Variants in TMEM108 observed in about 807,000 individuals in gnomAD.
The protein encoded by TMEM108 is cancer/testis antigen 124.
A neutral mutation model predicts 35.1 loss-of-function variants in TMEM108; 12 were observed. That is an observed-to-expected ratio of 0.34 (90% confidence interval 0.22 to 0.55). The LOEUF (loss-of-function observed/expected upper bound fraction) is 0.55, where lower values mean the gene tolerates loss of function less well. Ranked by LOEUF, TMEM108 falls within the 20% of genes least tolerant of loss-of-function variation. The probability of loss-of-function intolerance (pLI) is 0.89; values close to 1 mark genes in which losing one functional copy is unlikely to be tolerated. For missense variants in TMEM108, 680 were observed against 753.3 expected, an observed-to-expected ratio of 0.90 and a Z score of 1.14; for synonymous variants, 287 against 308.6, an observed-to-expected ratio of 0.93 and a Z score of 0.73.
At chr3:133,200,154 G>A (rs944176836) in intron 2 of TMEM108, among the ~76,000 whole-genome samples, 2 of 152,116 alleles carry the variant, frequency 1.3e-5, no homozygotes, top group African/African-American at 4.8e-5. Context: ...GATTTTCCAG[G>A]TGCCGTCTGT....
At chr3:133,316,312 A>G (rs901288804) in intron 3 of TMEM108, among the ~76,000 whole-genome samples, 4 of 152,208 alleles carry the variant, frequency 2.6e-5, no homozygotes, top group African/African-American at 9.6e-5. Context: ...GATATCCTCC[A>G]TATTATATGA....
At chr3:133,309,857 C>A (rs1239539053) in intron 3 of TMEM108, among the ~76,000 whole-genome samples, 2 of 151,918 alleles carry the variant, frequency 1.3e-5, no homozygotes, top group South Asian at 2.1e-4. Context: ...CCAGCCGCTA[C>A]GCCCGGCTAA....
At chr3:133,329,091 T>C (rs901328604) in intron 3 of TMEM108, among the ~76,000 whole-genome samples, 8 of 151,640 alleles carry the variant, frequency 5.3e-5, no homozygotes, top group African/African-American at 1.9e-4. Context: ...ATGTCTGGAA[T>C]ATAGTAAATA....
chr3:133,064,721 T>A (rs2107684603), intron 2 of TMEM108, among the ~76,000 whole-genome samples: 2 of 152,202 alleles, frequency 1.3e-5, no homozygotes, highest in Non-Finnish European at 2.9e-5. Context: ...TTTTTTTTTT[T>A]TTAATGGACA....
intron 2 of TMEM108, among the ~76,000 whole-genome samples, chr3:133,144,452 T>G (rs552484991): frequency 3.3e-5 from 5 of 152,326 alleles, no homozygotes; most frequent in Middle Eastern, 3.4e-3. Context: ...TGTGTCTTTA[T>G]AGTAGAATGA....
chr3:133,332,019 AGTTACAT>A (rs2071399663), intron 3 of TMEM108, among the ~76,000 whole-genome samples: 1 of 151,932 alleles, frequency 6.6e-6, no homozygotes, highest in Non-Finnish European at 1.5e-5. Flanking sequence ...CTTTTTATGG[AGTTACAT>A]GTTGGTTGGA....
intron 3 of TMEM108, chr3:133,246,908 AG>A (rs1244721857): frequency 6.6e-6 from 1 of 152,232 alleles, no homozygotes; most frequent in Admixed American, 6.5e-5. Flanking sequence ...GAGAAGAACA[AG>A]GGTTGTTATA....
chr3:133,276,084 G>A (rs1946834852), intron 3 of TMEM108, among the ~76,000 whole-genome samples: 2 of 152,224 alleles, frequency 1.3e-5, no homozygotes, highest in Non-Finnish European at 2.9e-5. Context: ...GAGCCATGGA[G>A]ACTTAGGATT....
At chr3:133,095,144 G>A (rs1002067631) in intron 2 of TMEM108, among the ~76,000 whole-genome samples, 5 of 152,104 alleles carry the variant, frequency 3.3e-5, no homozygotes, top group African/African-American at 1.2e-4. Flanking sequence ...ATACTGATAC[G>A]TTGCTGCTTA....
rs138728798 is a variant in TMEM108 at position 133,205,993 on chromosome 3, T to C, written c.-46-23273T>C. On this transcript the variant is annotated intron_variant, in intron 2 of 5. Transcript: ENST00000321871. The stretch of plus-strand genomic sequence containing the variant: ...CCATATTTGTTGGAGGCTTTGTTCA[T>C]TCCTTTTCATTCTTTTTTCTTTAAT... Among the ~76,000 whole-genome samples, 1,434 of 152,356 alleles carry C rather than the reference T, an allele frequency of 9.4e-3. 23 individuals carry two copies. Among genetic ancestry groups the C allele is most frequent in the African/African-American group, 0.033 (1,356 of 41,572 alleles).
intron 3 of TMEM108, among the ~76,000 whole-genome samples, chr3:133,332,466 A>T (rs896688228): frequency 6.6e-6 from 1 of 152,186 alleles, no homozygotes; most frequent in African/African-American, 2.4e-5. Flanking sequence ...AAGCTGGGAG[A>T]GTTGTAATAT....
At chr3:133,229,087 T>C (rs953078926) in intron 2 of TMEM108, among the ~76,000 whole-genome samples, 179 bp from the exon 3 acceptor site, 1 of 152,218 alleles carries the variant, frequency 6.6e-6, no homozygotes, top group African/African-American at 2.4e-5. Context: ...AGTTGATTAG[T>C]TGGTAATTTT....
intron 4 of TMEM108, among the ~76,000 whole-genome samples, chr3:133,384,998 G>C (rs2073111030): frequency 6.6e-6 from 1 of 152,142 alleles, no homozygotes; most frequent in South Asian, 2.1e-4. Context: ...CCCCAGAGCA[G>C]TCTGGCCTCC....
At chr3:133,183,102 T>C (rs1945370623) in intron 2 of TMEM108, among the ~76,000 whole-genome samples, 1 of 152,176 alleles carries the variant, frequency 6.6e-6, no homozygotes, top group African/African-American at 2.4e-5. Flanking sequence ...GCATTTCCTT[T>C]GAGCATGATC....
intron 2 of TMEM108, among the ~76,000 whole-genome samples, chr3:133,176,798 C>G (rs1247852679): frequency 6.6e-6 from 1 of 151,786 alleles, no homozygotes; most frequent in African/African-American, 2.4e-5. Context: ...TAGCAGAAGG[C>G]AAGAAATAAC....
At chr3:133,355,201 T>C (rs551218048) in intron 3 of TMEM108, among the ~76,000 whole-genome samples, 8 of 152,354 alleles carry the variant, frequency 5.3e-5, no homozygotes, top group African/African-American at 1.2e-4. Flanking sequence ...TTTGAGGCCA[T>C]TGGTTTTTTC....
intron 2 of TMEM108, among the ~76,000 whole-genome samples, chr3:133,081,625 ACTTGTAACT>A (rs1005586724): frequency 6.6e-6 from 1 of 152,174 alleles, no homozygotes; most frequent in Non-Finnish European, 1.5e-5. Context: ...TTTGCATAAC[ACTTGTAACT>A]CTGACTCTTA....
intron 2 of TMEM108, among the ~76,000 whole-genome samples, chr3:133,065,678 T>G (rs867848884): frequency 6.6e-6 from 1 of 152,174 alleles, no homozygotes; most frequent in Non-Finnish European, 1.5e-5. Context: ...TTAAAAAAAA[T>G]TTATGTCCAT....
At chr3:133,358,230 G>A (rs2072235467) in intron 3 of TMEM108, among the ~76,000 whole-genome samples, 1 of 151,592 alleles carries the variant, frequency 6.6e-6, no homozygotes, top group Non-Finnish European at 1.5e-5. Context: ...GGAGTGCAGT[G>A]GTACAGTCTC....
Sources: allele counts gnomAD v4.1 joint callset (sites outside exome capture counted in the v4.1 genomes callset), GRCh38; gene constraint gnomAD v4.1.1; transcripts MANE v1.5; gene names NCBI Gene and HGNC (gene_info 2026-07-23, HGNC 2026-07-21).